The following HAVCR2 variants were observed in gnomAD, a reference collection of about 807,000 sequenced individuals.
The protein encoded by HAVCR2 is T cell immunoglobulin mucin 3.
Under a neutral mutation model 24.7 loss-of-function variants are expected in HAVCR2, and 13 were observed. That is an observed-to-expected ratio of 0.53 (90% CI 0.34 to 0.84). The LOEUF (loss-of-function observed/expected upper bound fraction) is 0.84, where lower values mean the gene tolerates loss of function less well. Among genes scored for constraint, HAVCR2 ranks in the 40% least tolerant of loss-of-function variants. HAVCR2 has a pLI of 0.01. For synonymous variants in HAVCR2, 154 were observed against 143.4 expected (o/e 1.07, Z -0.53); for missense variants, 343 against 371.2 (o/e 0.92, Z 0.62).
rs555868248 is a variant in HAVCR2 at position 157,106,931 on chromosome 5, G to T, written c.90C>A (p.Val30=). 1.2e-6 allele frequency: 2 copies of T among 1,613,990 alleles called. No homozygotes were observed. Among genetic ancestry groups the T allele is most frequent in the Non-Finnish European group, 1.7e-6 (2 of 1,179,952 alleles). The part of the protein sequence containing the change: ...RSSEVEYRAE[V]GQNAYLPCFY... ...AGCAGGGCAGATAGGCATTCTGACC[G>T]ACCTCCGCTCTGTATTCCACTTCTG... is the stretch of plus-strand genomic sequence containing the variant. Residue 30 remains valine, a synonymous_variant, in exon 2 of 7, where the codon GTC becomes GTA. Transcript: ENST00000307851.
At chr5:157,107,151 AAC>A (rs34492239) in intron 1 of HAVCR2, 189 bp from the exon 2 acceptor site, 34,393 of 571,282 alleles carry the variant, frequency 0.06, 1,570 homozygotes, top group Admixed American at 0.17. Context: ...GCCTTGCGAA[AAC>A]ACAGATTGCT....
At chr5:157,098,773 G>C in intron 4 of HAVCR2, 85 bp downstream of exon 4, 1 of 1,264,018 alleles carries the variant, frequency 7.9e-7, no homozygotes, top group Non-Finnish European at 1.1e-6. Context: ...TTTACCCCAA[G>C]GACAAGGTGG....
At chr5:157,104,239 G>A (rs1173398914) in intron 3 of HAVCR2, among the ~76,000 whole-genome samples, 2 of 152,160 alleles carry the variant, frequency 1.3e-5, no homozygotes, top group Non-Finnish European at 2.9e-5. Context: ...GGAATCCAGG[G>A]AAGGTGATGG....
intron 2 of HAVCR2, 121 bp downstream of exon 2, chr5:157,106,506 G>T: frequency 1.3e-6 from 1 of 760,912 alleles, no homozygotes; most frequent in Non-Finnish European, 2.2e-6. Flanking sequence ...TAAACTTTAG[G>T]TCTTAGTGGC....
intron 1 of HAVCR2, among the ~76,000 whole-genome samples, chr5:157,108,101 A>C (rs1007595363): frequency 1.3e-5 from 2 of 152,002 alleles, no homozygotes; most frequent in African/African-American, 4.8e-5. Flanking sequence ...TAAAACATTC[A>C]TTATATATTT....
Position 157,087,297 on chromosome 5 carries a change from G to A in HAVCR2, c.714-3C>T. On this transcript the variant is annotated splice_region_variant and splice_polypyrimidine_tract_variant and intron_variant, in intron 6 of 6. Coordinates refer to ENST00000307851, the MANE Select transcript of HAVCR2 (RefSeq NM_032782.5). ...GGAGGTTGGCCAAAGAGATGAGGCT[G>A]TGGAAATAAAGTGTTGCGGTTGAGT... The A allele has an allele frequency of 6.2e-7, 1 of 1,603,544 alleles. No individual in the cohort carries two copies. Among genetic ancestry groups the A allele is most frequent in the Non-Finnish European group, 8.5e-7 (1 of 1,176,498 alleles).
rs1238536482 is a variant in HAVCR2 at position 157,087,242 on chromosome 5, C to T, written c.766G>A (p.Glu256Lys). 3.7e-6 allele frequency: 6 copies of T among 1,613,508 alleles called. No individual in the cohort carries two copies. The highest frequency in any genetic ancestry group is 2.7e-5 in the African/African-American group (2 of 74,918). The change falls in exon 7 of 7, where the codon GAG (glutamate) becomes AAG (lysine). Residue 256 changes from glutamate (E) to lysine (K), a missense_variant. Physicochemically the swap from Glu to Lys is moderately conservative, Grantham distance 56. Transcript: ENST00000307851. ...ATGTTTTCTTCTGAGCGAATTCCCTCTGCTACTGCATTTGCCAATCCTGAG... is the reference window on the plus strand; with the variant it reads ...ATGTTTTCTTCTGAGCGAATTCCCTTTGCTACTGCATTTGCCAATCCTGAG... ...PPSGLANAVA[E>K]GIRSEENIYT...
chr5:157,094,041 C>CT (rs1374358354), intron 5 of HAVCR2, among the ~76,000 whole-genome samples: 12,791 of 136,298 alleles, frequency 0.094, 854 homozygotes, highest in Admixed American at 0.16. Context: ...CAACACACTT[C>CT]TTTTTTTTTT....
At chr5:157,096,963 C>T (rs1296804431) in intron 4 of HAVCR2, among the ~76,000 whole-genome samples, 1 of 111,570 alleles carries the variant, frequency 9.0e-6, no homozygotes, top group Non-Finnish European at 1.8e-5. Context: ...CACACACACA[C>T]ATATAATTAT....
In HAVCR2 at chr5:157,086,858, T is replaced by G. The variant is rs35200693; in HGVS notation, c.*244A>C. ...AGTGTATATAAAAGCCCGTTTGAGC[T>G]CTAACATCCATGATTAACAGTCTCT... On this transcript the variant is annotated 3_prime_UTR_variant, in exon 7 of 7. Coordinates refer to ENST00000307851, the MANE Select transcript of HAVCR2 (RefSeq NM_032782.5). 2,380 of 455,314 alleles carry G rather than the reference T, an allele frequency of 5.2e-3. 7 individuals are homozygous for G. The highest frequency in any genetic ancestry group is 7.2e-3 in the Non-Finnish European group (1,882 of 259,662). 28.2% of individuals were successfully genotyped at this position (455,314 alleles called of 1,614,324 possible). A position where few individuals can be genotyped will look rare whatever the true frequency, so the allele number is the denominator to read the frequency against.
intron 5 of HAVCR2, among the ~76,000 whole-genome samples, chr5:157,093,703 T>C (rs1036525939): frequency 7.9e-5 from 12 of 152,222 alleles, no homozygotes; most frequent in Admixed American, 6.5e-5. Flanking sequence ...TCCCAAAACA[T>C]TGGGAGGTCG....
intron 3 of HAVCR2, among the ~76,000 whole-genome samples, chr5:157,102,895 A>AT (rs1410858432): frequency 7.1e-6 from 1 of 141,388 alleles, no homozygotes; most frequent in Admixed American, 7.7e-5. Flanking sequence ...AGATCGTGTC[A>AT]TTGCACTCCA....
intron 4 of HAVCR2, among the ~76,000 whole-genome samples, chr5:157,096,475 C>T (rs1259457184): frequency 1.3e-5 from 2 of 151,916 alleles, no homozygotes; most frequent in Admixed American, 1.3e-4. Flanking sequence ...CTCTCTTTTT[C>T]TCTCTTTAAA....
At chr5:157,099,951 C>A (rs1757146322) in intron 3 of HAVCR2, among the ~76,000 whole-genome samples, 1 of 152,246 alleles carries the variant, frequency 6.6e-6, no homozygotes, top group Non-Finnish European at 1.5e-5. Context: ...CCGCCTCGGC[C>A]TCCCAAAGTG....
rs1757152198 is a variant in HAVCR2 at position 157,100,471 on chromosome 5, C to CT, written c.479-1571dup. Among the ~76,000 whole-genome samples, 5 of 152,252 alleles carry CT rather than the reference C, an allele frequency of 3.3e-5. No individual in the cohort carries two copies. In the South Asian group the frequency reaches 1.0e-3, roughly 32 times the overall value. On this transcript the variant is annotated intron_variant, in intron 3 of 6. Transcript: ENST00000307851. Reference sequence around the variant, plus strand: ...CCATTCCATGAATATGCACTATGCCCTTACTCTAGGCACAGGGGACAGAGC... The same window carrying CT: ...CCATTCCATGAATATGCACTATGCCCTTTACTCTAGGCACAGGGGACAGAGC...
chr5:157,100,724 C>T lies in HAVCR2; in HGVS notation c.479-1823G>A, dbSNP rs539072777. Among the ~76,000 whole-genome samples the T allele has an allele frequency of 3.3e-5, 5 of 152,258 alleles. No homozygotes were observed. The South Asian group carries it at 1.0e-3, about 32-fold the overall frequency. On this transcript the variant is annotated intron_variant, in intron 3 of 6. Transcript: ENST00000307851. ...TAGTTTAAATATTATAAAGGCATAG[C>T]CTCAGCCTAAAATTATTGAAGAAAA... is the stretch of plus-strand genomic sequence containing the variant.
intron 4 of HAVCR2, among the ~76,000 whole-genome samples, chr5:157,098,452 G>A (rs931089635): frequency 2.6e-5 from 4 of 151,786 alleles, no homozygotes; most frequent in Non-Finnish European, 5.9e-5. Context: ...TTCCTGACTG[G>A]TGTCTTGCCA....
intron 1 of HAVCR2, chr5:157,107,192 G>A: frequency 1.9e-6 from 1 of 526,636 alleles, no homozygotes; most frequent in Non-Finnish European, 3.4e-6. Flanking sequence ...TCCTGACTCA[G>A]TTGGCCTGTG....
intron 5 of HAVCR2, among the ~76,000 whole-genome samples, chr5:157,092,608 G>A (rs939719783): frequency 1.3e-5 from 2 of 151,586 alleles, no homozygotes; most frequent in East Asian, 1.9e-4. Context: ...CCCCATGCCC[G>A]GCTAATTTTG....
Sources: allele counts gnomAD v4.1 joint callset (sites outside exome capture counted in the v4.1 genomes callset), GRCh38; gene constraint gnomAD v4.1.1; transcripts MANE v1.5; gene names NCBI Gene and HGNC (gene_info 2026-07-23, HGNC 2026-07-21).